The following GDI2 variants were observed in gnomAD, a reference collection of about 807,000 sequenced individuals.
GDI2 encodes rab GDP dissociation inhibitor beta.
A neutral mutation model predicts 54.2 loss-of-function variants in GDI2; 22 were observed. That is an observed-to-expected ratio of 0.41 (90% CI 0.29 to 0.58). The LOEUF is 0.58. Among genes scored for constraint, GDI2 ranks in the 20% least tolerant of loss-of-function variants. GDI2 has a pLI of 0.35. For synonymous variants in GDI2, 177 were observed against 182.1 expected (o/e 0.97, Z 0.23); for missense variants, 422 against 546.0 (o/e 0.77, Z 2.26).
intron 1 of GDI2, 38 bp downstream of exon 1, chr10:5,813,176 C>T (rs1418121627): frequency 7.9e-6 from 11 of 1,398,934 alleles, no homozygotes; most frequent in African/African-American, 1.5e-5. Context: ...GCGCCCGCCC[C>T]GGCTGCTCAG....
At chr10:5,781,817 C>A (rs1370629569) in intron 6 of GDI2, among the ~76,000 whole-genome samples, 4 of 151,938 alleles carry the variant, frequency 2.6e-5, no homozygotes, top group African/African-American at 9.7e-5. Flanking sequence ...AGTTAGAGAC[C>A]AGCCTGTTCA....
intron 1 of GDI2, among the ~76,000 whole-genome samples, chr10:5,805,938 C>T (rs927966152): frequency 3.3e-5 from 5 of 152,228 alleles, no homozygotes; most frequent in Non-Finnish European, 5.9e-5. Context: ...GACTATACCA[C>T]AATTTACTTC....
Position 5,773,915 on chromosome 10 carries a change from T to C in GDI2, c.746A>G (p.Tyr249Cys), listed in dbSNP as rs766059425. 1.9e-6 allele frequency: 3 copies of C among 1,538,980 alleles called. No individual in the cohort carries two copies. Among genetic ancestry groups the C allele is most frequent in the South Asian group, 1.1e-5 (1 of 87,296 alleles). The change falls in exon 7 of 11, where the codon TAT becomes TGT. Residue 249 changes from tyrosine (Y) to cysteine (C), a missense_variant. Coordinates refer to ENST00000380191, the MANE Select transcript of GDI2 (RefSeq NM_001494.4). ...TTCTTCAATGGGTTTATTCAGCATA[T>C]AGGTACCTCCATAAATAGCACTTAG... ...ARLSAIYGGT[Y>C]MLNKPIEEII...
chr10:5,794,189 ATATATATATATATATATATATATATAT>A (rs1361673823), intron 4 of GDI2, among the ~76,000 whole-genome samples: 760 of 33,990 alleles, frequency 0.022, 82 homozygotes, highest in Non-Finnish European at 0.032. Flanking sequence ...AAAAAAAAAA[ATATATATATATATATATATATATATAT>A]ATATATATAT....
chr10:5,778,674 A>G (rs1335735797), intron 6 of GDI2, among the ~76,000 whole-genome samples: 2 of 152,270 alleles, frequency 1.3e-5, no homozygotes, highest in Admixed American at 6.5e-5. Context: ...TACCATTTAA[A>G]AATACCAAGG....
In GDI2 at chr10:5,768,093, C is replaced by A; in HGVS notation, c.991+120G>T. On this transcript the variant is annotated intron_variant, in intron 8 of 10. Transcript: ENST00000380191. The surrounding 1 kb of genome is among the most constrained non-coding windows in gnomAD (Gnocchi z 4.4). ...AGGAGGTACAAAGATTTTTTTCCCC[C>A]ATATGTAAACCAAGGTCTGTTCACT... 1.3e-6 allele frequency: 1 copy of A among 772,376 alleles called. No individual in the cohort carries two copies. Among genetic ancestry groups the A allele is most frequent in the East Asian group, 2.5e-5 (1 of 39,712 alleles). The allele number at this position is 772,376 out of a possible 1,614,324, so 47.8% of individuals were successfully genotyped here.
chr10:5,800,750 A>G (rs776676017), intron 1 of GDI2, 45 bp from the exon 2 acceptor site: 1 of 931,618 alleles, frequency 1.1e-6, no homozygotes, highest in Non-Finnish European at 1.8e-6. Flanking sequence ...TCTACAGCAT[A>G]TTTAAAACAG....
Position 5,813,082 on chromosome 10 carries a change from G to T in GDI2, c.45+132C>A. On this transcript the variant is annotated intron_variant, in intron 1 of 10. Transcript: ENST00000380191. ...TGAACCCGCCCGCGCCCCTAGCCACGACTCCCGTCCCGAAAACTACGGCTG... is the reference window on the plus strand; with the variant it reads ...TGAACCCGCCCGCGCCCCTAGCCACTACTCCCGTCCCGAAAACTACGGCTG... 5 of 547,720 alleles carry T rather than the reference G, an allele frequency of 9.1e-6. No individual in the cohort carries two copies. The South Asian group carries it at 1.2e-4, about 14-fold the overall frequency. 33.9% of individuals were successfully genotyped at this position (547,720 alleles called of 1,614,324 possible).
intron 6 of GDI2, 46 bp downstream of exon 6, chr10:5,785,096 G>A (rs747079512): frequency 2.1e-6 from 3 of 1,415,074 alleles, no homozygotes; most frequent in East Asian, 2.3e-5. Flanking sequence ...ACATTATGTT[G>A]AAGATGAGGT....
At chr10:5,800,415 A>G (rs1436652614) in intron 2 of GDI2, among the ~76,000 whole-genome samples, 183 bp downstream of exon 2, 1 of 152,232 alleles carries the variant, frequency 6.6e-6, no homozygotes, top group Admixed American at 6.5e-5. Context: ...ACTGCTCCAC[A>G]TAGCAACAAA....
chr10:5,804,026 TATTTCTTAA>T (rs1308591350), intron 1 of GDI2, among the ~76,000 whole-genome samples: 1 of 152,204 alleles, frequency 6.6e-6, no homozygotes, highest in Non-Finnish European at 1.5e-5. Context: ...ATTCATTTAG[TATTTCTTAA>T]ATGTCTTAAA....
chr10:5,780,580 TACA>T (rs1447040136), intron 6 of GDI2, among the ~76,000 whole-genome samples: 1 of 152,212 alleles, frequency 6.6e-6, no homozygotes, highest in Non-Finnish European at 1.5e-5. Context: ...GATCATAGGA[TACA>T]ACGTCAACAT....
chr10:5,783,888 CT>C (rs1840813833), intron 6 of GDI2, among the ~76,000 whole-genome samples: 1 of 152,194 alleles, frequency 6.6e-6, no homozygotes, highest in Non-Finnish European at 1.5e-5. Context: ...TTCATCTTGA[CT>C]TTAGTTAACC....
At chr10:5,786,159 G>A in intron 4 of GDI2, 109 bp from the exon 5 acceptor site, 4 of 561,262 alleles carry the variant, frequency 7.1e-6, no homozygotes, top group East Asian at 3.1e-5. Context: ...CGGAATGCAG[G>A]ATGCAATTTT....
At chr10:5,780,209 C>T (rs1012682011) in intron 6 of GDI2, among the ~76,000 whole-genome samples, 16 of 89,540 alleles carry the variant, frequency 1.8e-4, no homozygotes, top group Admixed American at 1.3e-4. Context: ...ATCGTGTCTC[C>T]AAAAAAAAAA....
chr10:5,774,367 G>A lies in GDI2; in HGVS notation c.720-426C>T, dbSNP rs940579750. On this transcript the variant is annotated intron_variant, in intron 6 of 10. Transcript: ENST00000380191. This position sits in a 1 kb window ranked among gnomAD's most constrained non-coding sequence, Gnocchi z 4.8. ...GACCCGTACGGATTCATCTCAGCAC[G>A]GTAACATATTTTGGTGCCTGTGACT... Among the ~76,000 whole-genome samples the A allele has an allele frequency of 9.2e-5, 14 of 152,152 alleles. No individual in the cohort carries two copies. Among genetic ancestry groups the A allele is most frequent in the Non-Finnish European group, 1.6e-4 (11 of 68,034 alleles).
chr10:5,767,238 C>G (rs1327541879), intron 8 of GDI2, among the ~76,000 whole-genome samples: 3 of 150,882 alleles, frequency 2.0e-5, no homozygotes, highest in Non-Finnish European at 2.9e-5. Flanking sequence ...TTCAGACTTG[C>G]AAGGACCCAG....
At position 5,774,788 on chromosome 10, in the gene GDI2, C is replaced by A. The variant is rs6602240; in HGVS notation, c.720-847G>T. On this transcript the variant is annotated intron_variant, in intron 6 of 10. Transcript: ENST00000380191. The surrounding 1 kb of genome is among the most constrained non-coding windows in gnomAD (Gnocchi z 4.8). ...TTCCCAAAACCCCACACTGTCTATT[C>A]TCCTGTTTTTCCTTGTGTGTGTGTT... 0.32 allele frequency among the ~76,000 whole-genome samples: 49,230 copies of A among 151,962 alleles called. 8,450 individuals are homozygous for A. The highest frequency in any genetic ancestry group is 0.38 in the Non-Finnish European group (25,611 of 67,956).
intron 1 of GDI2, among the ~76,000 whole-genome samples, chr10:5,812,926 T>A (rs1841507617): frequency 6.6e-6 from 1 of 152,112 alleles, no homozygotes; most frequent in Non-Finnish European, 1.5e-5. Context: ...CCCCTCCGCT[T>A]CCGCTGGGGG....
Sources: allele counts gnomAD v4.1 joint callset (sites outside exome capture counted in the v4.1 genomes callset), GRCh38; gene constraint gnomAD v4.1.1; non-coding constraint Gnocchi (gnomAD v3.1); transcripts MANE v1.5; gene names NCBI Gene and HGNC (gene_info 2026-07-23, HGNC 2026-07-21).